MBOAT2: variants seen among roughly 807,000 people sequenced by gnomAD.
The protein encoded by MBOAT2 is membrane-bound glycerophospholipid O-acyltransferase 2.
Under a neutral mutation model 63.4 loss-of-function variants are expected in MBOAT2, and 28 were observed. The ratio of observed to expected loss-of-function variants is 0.44; its 90% CI spans 0.33 to 0.61. MBOAT2 has a LOEUF of 0.61. Ranked by LOEUF, MBOAT2 falls within the 20% of genes least tolerant of loss-of-function variation. The probability of loss-of-function intolerance (pLI) is 0.03; values close to 1 mark genes in which losing one functional copy is unlikely to be tolerated. For missense variants in MBOAT2, 470 were observed against 605.8 expected (o/e 0.78, Z 2.35); for synonymous variants, 211 against 215.6 (o/e 0.98, Z 0.19).
chr2:8,949,328 T>C (rs1310551368), intron 2 of MBOAT2, among the ~76,000 whole-genome samples: 2 of 152,212 alleles, frequency 1.3e-5, no homozygotes, highest in African/African-American at 4.8e-5. Flanking sequence ...CAGAAGCTTT[T>C]TGGTTCTAAT....
At chr2:8,889,297 G>A (rs1301463271) in intron 4 of MBOAT2, among the ~76,000 whole-genome samples, 1 of 152,252 alleles carries the variant, frequency 6.6e-6, no homozygotes, top group South Asian at 2.1e-4. Context: ...GCAAGGGTTT[G>A]CTTTAAACAT....
At position 8,862,420 on chromosome 2, in the gene MBOAT2, G is replaced by A. The variant is rs1028402312; in HGVS notation, c.1185+170C>T. On this transcript the variant is annotated intron_variant, in intron 11 of 12. Transcript: ENST00000305997. This position sits in a 1 kb window ranked among gnomAD's most constrained non-coding sequence, Gnocchi z 4.3. ...AGGAACTGGGCATGGAGCCTAGCCCGTGGTGAGCGCTCAGCAAACATGCAC... is the reference window on the plus strand; with the variant it reads ...AGGAACTGGGCATGGAGCCTAGCCCATGGTGAGCGCTCAGCAAACATGCAC... 8 of 1,321,872 alleles carry A rather than the reference G, an allele frequency of 6.1e-6. No homozygotes were observed. The highest frequency in any genetic ancestry group is 2.5e-5 in the East Asian group (1 of 39,592). 81.9% of individuals were successfully genotyped at this position (1,321,872 alleles called of 1,614,324 possible).
chr2:9,002,846 T>C (rs1672799812), intron 1 of MBOAT2, among the ~76,000 whole-genome samples: 1 of 152,162 alleles, frequency 6.6e-6, no homozygotes, highest in Non-Finnish European at 1.5e-5. Flanking sequence ...GGAGGTAAAG[T>C]GGCTGCATCA....
chr2:8,993,806 T>A (rs1431188240), intron 1 of MBOAT2, among the ~76,000 whole-genome samples: 1 of 152,204 alleles, frequency 6.6e-6, no homozygotes, highest in Admixed American at 6.5e-5. Context: ...ATGAGACACT[T>A]CACTCCTTGC....
At chr2:8,874,421 A>C (rs867573215) in intron 7 of MBOAT2, among the ~76,000 whole-genome samples, 2 of 152,186 alleles carry the variant, frequency 1.3e-5, no homozygotes, top group African/African-American at 2.4e-5. Context: ...AGAGAAAAAA[A>C]TTGTAATTAT....
chr2:9,002,066 G>T (rs73912910), intron 1 of MBOAT2, among the ~76,000 whole-genome samples: 2 of 150,152 alleles, frequency 1.3e-5, no homozygotes, highest in Non-Finnish European at 2.9e-5. Flanking sequence ...CACCAGTGTG[G>T]AAATGTCAGC....
intron 7 of MBOAT2, among the ~76,000 whole-genome samples, chr2:8,873,579 A>G (rs921087366): frequency 3.9e-5 from 6 of 152,184 alleles, no homozygotes; most frequent in Admixed American, 1.3e-4. Context: ...AAAAAAATCT[A>G]AAAGCAAGCA....
At chr2:8,895,007 C>T (rs549408656) in intron 4 of MBOAT2, among the ~76,000 whole-genome samples, 3 of 152,366 alleles carry the variant, frequency 2.0e-5, no homozygotes, top group Admixed American at 6.5e-5. Context: ...CGTGGTCTTG[C>T]TGACTTCAGG....
intron 4 of MBOAT2, among the ~76,000 whole-genome samples, chr2:8,906,643 T>G (rs1419811799): frequency 2.0e-5 from 3 of 152,142 alleles, no homozygotes; most frequent in African/African-American, 7.2e-5. Context: ...CACAGAAATG[T>G]GAGGTAAAGG....
intron 3 of MBOAT2, among the ~76,000 whole-genome samples, chr2:8,916,832 T>C (rs1189113207): frequency 3.3e-5 from 5 of 152,240 alleles, no homozygotes; most frequent in Non-Finnish European, 7.3e-5. Flanking sequence ...CTGTTTACTA[T>C]GTACCTTTTG....
At chr2:8,950,191 T>C (rs889928392) in intron 2 of MBOAT2, among the ~76,000 whole-genome samples, 1 of 152,204 alleles carries the variant, frequency 6.6e-6, no homozygotes, top group African/African-American at 2.4e-5. Flanking sequence ...CTTGCTACAA[T>C]CATTTATCAG....
At chr2:8,933,317 T>TCA (rs1258617677) in intron 3 of MBOAT2, among the ~76,000 whole-genome samples, 1 of 152,202 alleles carries the variant, frequency 6.6e-6, no homozygotes, top group African/African-American at 2.4e-5. Flanking sequence ...ATCAGATATA[T>TCA]CATCAAATTG....
chr2:8,977,043 G>T (rs915197648), intron 1 of MBOAT2, among the ~76,000 whole-genome samples: 14 of 152,110 alleles, frequency 9.2e-5, no homozygotes, highest in African/African-American at 3.4e-4. Flanking sequence ...GGAGGCCAGG[G>T]AGAGGCAGGA....
intron 4 of MBOAT2, among the ~76,000 whole-genome samples, chr2:8,896,721 C>G (rs566767014): frequency 1.7e-4 from 26 of 152,330 alleles, no homozygotes; most frequent in African/African-American, 5.8e-4. Flanking sequence ...ACAGCTCACA[C>G]GTTTGAGCAG....
intron 3 of MBOAT2, among the ~76,000 whole-genome samples, chr2:8,917,005 T>C (rs1201981475): frequency 6.6e-6 from 1 of 152,112 alleles, no homozygotes; most frequent in Non-Finnish European, 1.5e-5. Flanking sequence ...AAGCCATACA[T>C]AGATGGTGAA....
chr2:8,937,754 C>T (rs1161002596), intron 3 of MBOAT2, among the ~76,000 whole-genome samples: 2 of 152,104 alleles, frequency 1.3e-5, no homozygotes, highest in African/African-American at 4.8e-5. Flanking sequence ...AGAGGGTGGA[C>T]AAAACCAGGC....
At chr2:8,888,896 A>G (rs990876342) in intron 4 of MBOAT2, among the ~76,000 whole-genome samples, 29 of 152,276 alleles carry the variant, frequency 1.9e-4, no homozygotes, top group Admixed American at 1.2e-3. Context: ...AGAATAAATA[A>G]AACCACCAGG....
In MBOAT2 at chr2:9,003,636, C is replaced by T; in HGVS notation, c.-22G>A. On this transcript the variant is annotated 5_prime_UTR_variant, in exon 1 of 13. Coordinates refer to ENST00000305997, the MANE Select transcript of MBOAT2 (RefSeq NM_138799.4). The surrounding 1 kb of genome is among the most constrained non-coding windows in gnomAD (Gnocchi z 5.4). ...CCATGGCCGGGCCTCGGCGCTCCGGCCGCCCGCGCCGCTCGCCCGCTCGCG... is the reference window on the plus strand; with the variant it reads ...CCATGGCCGGGCCTCGGCGCTCCGGTCGCCCGCGCCGCTCGCCCGCTCGCG... 8.7e-7 allele frequency: 1 copy of T among 1,152,266 alleles called. No homozygotes were observed. The highest frequency in any genetic ancestry group is 1.1e-6 in the Non-Finnish European group (1 of 938,882). 71.4% of individuals were successfully genotyped at this position (1,152,266 alleles called of 1,614,324 possible).
At chr2:8,882,408 G>C in intron 6 of MBOAT2, 103 bp downstream of exon 6, 1 of 1,132,076 alleles carries the variant, frequency 8.8e-7, no homozygotes, top group Non-Finnish European at 1.3e-6. Context: ...ATTTTCAGAA[G>C]TAAGTACCTC....
Sources: gnomAD v4.1 joint callset for allele counts (sites outside exome capture counted in the v4.1 genomes callset) on GRCh38, gnomAD v4.1.1 for gene constraint, Gnocchi (gnomAD v3.1) non-coding constraint, MANE v1.5 for transcripts, NCBI Gene and HGNC (gene_info 2026-07-23, HGNC 2026-07-21) for gene names.